PCDH9: variants seen among roughly 807,000 people sequenced by gnomAD.
PCDH9 encodes the protein protocadherin 9, also known as protocadherin-9.
Under a neutral mutation model 70.6 loss-of-function variants are expected in PCDH9, and 24 were observed. That is an observed-to-expected ratio of 0.34 (90% CI 0.25 to 0.48). PCDH9 has a LOEUF of 0.48. Ranked by LOEUF, PCDH9 falls within the 20% of genes least tolerant of loss-of-function variation. The pLI is 0.99. For missense variants in PCDH9, 1,281 were observed against 1,503.6 expected, an observed-to-expected ratio of 0.85 and a Z score of 2.45; for synonymous variants, 562 against 558.5, an observed-to-expected ratio of 1.01 and a Z score of -0.09.
At chr13:66,778,706 A>T (rs1183868934) in intron 3 of PCDH9, among the ~76,000 whole-genome samples, 1 of 152,244 alleles carries the variant, frequency 6.6e-6, no homozygotes, top group Non-Finnish European at 1.5e-5. Flanking sequence ...GACTACACAT[A>T]TGTGACATGC....
At chr13:66,856,765 T>C (rs1269391469) in intron 3 of PCDH9, among the ~76,000 whole-genome samples, 1 of 152,068 alleles carries the variant, frequency 6.6e-6, no homozygotes, top group Non-Finnish European at 1.5e-5. Flanking sequence ...TTGATATTAA[T>C]AATATCTTAT....
At chr13:67,168,601 T>G (rs1160422688) in intron 2 of PCDH9, among the ~76,000 whole-genome samples, 5 of 150,288 alleles carry the variant, frequency 3.3e-5, no homozygotes, top group Admixed American at 6.7e-5. Context: ...GCATGGTGGG[T>G]GCACCTGTGT....
At chr13:67,046,790 GA>G (rs373233437) in intron 2 of PCDH9, among the ~76,000 whole-genome samples, 15 of 151,980 alleles carry the variant, frequency 9.9e-5, no homozygotes, top group African/African-American at 3.6e-4. Context: ...TCCTGAGGAG[GA>G]GAAAATATAA....
At chr13:66,445,610 ATT>A (rs1417178619) in intron 4 of PCDH9, among the ~76,000 whole-genome samples, 3 of 144,240 alleles carry the variant, frequency 2.1e-5, no homozygotes, top group African/African-American at 7.6e-5. Context: ...ACACATATAT[ATT>A]ATATATACAC....
rs889050856 is a variant in PCDH9, at chr13:66,648,662, G to T, written c.3139-17251C>A. On this transcript the variant is annotated intron_variant, in intron 3 of 4. Transcript: ENST00000377865. Reference sequence around the variant, plus strand: ...ATAAATACCTAACTTTTCAATGCCCGGAGACCAACAAACATTCTCAAGTAT... The same window carrying T: ...ATAAATACCTAACTTTTCAATGCCCTGAGACCAACAAACATTCTCAAGTAT... 3.3e-5 allele frequency among the ~76,000 whole-genome samples: 5 copies of T among 151,836 alleles called. No individual in the cohort carries two copies. In the East Asian group the frequency reaches 9.7e-4, roughly 29 times the overall value.
At chr13:66,902,351 AT>A (rs1642307969) in intron 3 of PCDH9, among the ~76,000 whole-genome samples, 1 of 146,402 alleles carries the variant, frequency 6.8e-6, no homozygotes, top group African/African-American at 2.4e-5. Context: ...ACTTCCACTA[AT>A]GTTTTATCTA....
intron 2 of PCDH9, chr13:67,204,819 A>G (rs1321315101): frequency 6.6e-6 from 1 of 152,204 alleles, no homozygotes; most frequent in East Asian, 1.9e-4. Flanking sequence ...ACGTTAGGCC[A>G]CTGTATTCAT....
chr13:67,175,858 G>A (rs1287546536), intron 2 of PCDH9, among the ~76,000 whole-genome samples: 1 of 151,748 alleles, frequency 6.6e-6, no homozygotes, highest in Admixed American at 6.6e-5. Flanking sequence ...AGATTTTAGA[G>A]ATGCACCAAA....
intron 4 of PCDH9, among the ~76,000 whole-genome samples, chr13:66,370,158 C>A (rs192368147): frequency 1.3e-5 from 2 of 152,166 alleles, no homozygotes; most frequent in Admixed American, 1.3e-4. Flanking sequence ...TAAATACTTG[C>A]TCTGCCCCTT....
At chr13:66,374,336 G>A (rs1045368690) in intron 4 of PCDH9, among the ~76,000 whole-genome samples, 4 of 151,930 alleles carry the variant, frequency 2.6e-5, no homozygotes, top group African/African-American at 7.2e-5. Context: ...AGGGACATGC[G>A]AATTTGACAG....
In PCDH9 at chr13:67,228,195, A is replaced by C; in HGVS notation, c.246T>G (p.Thr82=). ...TGTTGGAGGTTGTGAAAATTTCCCC[A>C]GTGCTGCTGGAAACTTTCACCAAAG... ...DAPLVKVSSS[T]GEIFTTSNRI... Residue 82 remains threonine, a synonymous_variant, in exon 2 of 5, where the codon ACT becomes ACG. Coordinates refer to ENST00000377865, the MANE Select transcript of PCDH9 (RefSeq NM_203487.3). 6.2e-7 allele frequency: 1 copy of C among 1,613,276 alleles called. No homozygotes were observed. The highest frequency in any genetic ancestry group is 1.7e-5 in the Admixed American group (1 of 59,856).
chr13:66,783,372 C>A (rs1267163188), intron 3 of PCDH9, among the ~76,000 whole-genome samples: 1 of 152,020 alleles, frequency 6.6e-6, no homozygotes, highest in African/African-American at 2.4e-5. Flanking sequence ...TATGCTGGAG[C>A]CAAGAAAGAC....
intron 4 of PCDH9, among the ~76,000 whole-genome samples, chr13:66,606,669 TA>T (rs2077226244): frequency 6.6e-6 from 1 of 152,178 alleles, no homozygotes; most frequent in African/African-American, 2.4e-5. Flanking sequence ...ACGTCTCTCC[TA>T]AATCATTAGT....
intron 2 of PCDH9, among the ~76,000 whole-genome samples, chr13:66,954,237 A>G (rs570288516): frequency 6.6e-6 from 1 of 152,200 alleles, no homozygotes; most frequent in Non-Finnish European, 1.5e-5. Flanking sequence ...TTATATATGT[A>G]TTTGTGTGTA....
intron 3 of PCDH9, among the ~76,000 whole-genome samples, chr13:66,853,168 AAGTT>A (rs2081341298): frequency 6.7e-6 from 1 of 150,308 alleles, no homozygotes; most frequent in African/African-American, 2.4e-5. Flanking sequence ...GTTATAAAAA[AAGTT>A]AGTTTACCAG....
intron 2 of PCDH9, among the ~76,000 whole-genome samples, chr13:66,943,592 C>A (rs180808740): frequency 2.6e-4 from 40 of 151,968 alleles, no homozygotes; most frequent in Admixed American, 1.5e-3. Context: ...TTTTGAAAAC[C>A]CCTTTTTCAA....
At chr13:66,923,694 A>G (rs547900229) in intron 2 of PCDH9, among the ~76,000 whole-genome samples, 1 of 151,746 alleles carries the variant, frequency 6.6e-6, no homozygotes, top group African/African-American at 2.4e-5. Flanking sequence ...GCTTAATGTC[A>G]CAAAGCCAAT....
chr13:66,965,863 T>C (rs1273995127), intron 2 of PCDH9, among the ~76,000 whole-genome samples: 1 of 151,940 alleles, frequency 6.6e-6, no homozygotes, highest in Non-Finnish European at 1.5e-5. Context: ...TAAATTCTTA[T>C]CTAAAAATAT....
At chr13:66,678,295 A>C (rs182301036) in intron 3 of PCDH9, among the ~76,000 whole-genome samples, 2 of 152,040 alleles carry the variant, frequency 1.3e-5, no homozygotes, top group Non-Finnish European at 2.9e-5. Flanking sequence ...AACAACTGTC[A>C]TAGTAAATCA....
Sources: allele counts gnomAD v4.1 joint callset (sites outside exome capture counted in the v4.1 genomes callset), GRCh38; gene constraint gnomAD v4.1.1; transcripts MANE v1.5; gene names NCBI Gene and HGNC (gene_info 2026-07-23, HGNC 2026-07-21).